LGSN: variants seen among roughly 807,000 people sequenced by gnomAD.
LGSN encodes the protein lengsin.
LGSN carries 21 observed loss-of-function variants against 19.5 expected under a neutral mutation model. That is an observed-to-expected ratio of 1.07 (90% CI 0.76 to 1.55). The LOEUF is 1.55. Ranked by LOEUF, LGSN falls within the 40% of genes most tolerant of loss-of-function variation. The pLI is 0.00. For synonymous variants in LGSN, 257 were observed against 215.6 expected, an observed-to-expected ratio of 1.19 and a Z score of -1.68; for missense variants, 673 against 608.5, an observed-to-expected ratio of 1.11 and a Z score of -1.12.
Position 63,301,284 on chromosome 6 carries a change from C to T in LGSN, c.31-6239G>A, listed in dbSNP as rs895840725. Among the ~76,000 whole-genome samples the T allele has an allele frequency of 2.0e-5, 3 of 151,868 alleles. No homozygotes were observed. In the East Asian group the frequency reaches 5.8e-4, roughly 29 times the overall value. On this transcript the variant is annotated intron_variant, in intron 1 of 3. Transcript: ENST00000370657. ...TCAGCCTGGGTGACAGAATGAGACT[C>T]TGTCTTAAAAAAAATAAATACAATA...
At chr6:63,485,545 T>C in the LGSN span, among the ~76,000 whole-genome samples, 2 of 152,208 alleles carry the variant, frequency 1.3e-5, no homozygotes, top group East Asian at 3.8e-4. Context: ...TTTGAGCATA[T>C]AGTCAGTAAT....
At chr6:63,296,333 A>G (rs990990200) in intron 1 of LGSN, among the ~76,000 whole-genome samples, 3 of 151,736 alleles carry the variant, frequency 2.0e-5, no homozygotes, top group African/African-American at 7.2e-5. Context: ...TTTAGGATTT[A>G]ATTTCAATAC....
intron 1 of LGSN, among the ~76,000 whole-genome samples, chr6:63,310,643 T>A (rs1021829028): frequency 4.6e-5 from 7 of 152,180 alleles, no homozygotes; most frequent in African/African-American, 1.7e-4. Flanking sequence ...ATTTAGTGCA[T>A]CCCTTTAAAA....
chr6:63,376,902 T>C, the LGSN span, among the ~76,000 whole-genome samples: 1 of 152,302 alleles, frequency 6.6e-6, no homozygotes, highest in South Asian at 2.1e-4. Flanking sequence ...CAGCTGAGTG[T>C]TCCTAGGCTT....
the LGSN span, among the ~76,000 whole-genome samples, chr6:63,531,589 A>G: frequency 7.0e-6 from 1 of 143,108 alleles, no homozygotes; most frequent in Non-Finnish European, 1.5e-5. Flanking sequence ...TCCTGGACTC[A>G]GGCAATCTTC....
At chr6:63,350,831 C>T in the LGSN span, among the ~76,000 whole-genome samples, 1 of 150,518 alleles carries the variant, frequency 6.6e-6, no homozygotes, top group African/African-American at 2.5e-5. Context: ...CAGCCTGGGC[C>T]ACAGAGCCAT....
chr6:63,358,820 T>G, the LGSN span, among the ~76,000 whole-genome samples: 1 of 152,284 alleles, frequency 6.6e-6, no homozygotes, highest in East Asian at 1.9e-4. Context: ...TGAATACCCT[T>G]TATTTTTTTC....
chr6:63,431,896 G>A, the LGSN span, among the ~76,000 whole-genome samples: 4 of 149,672 alleles, frequency 2.7e-5, no homozygotes, highest in African/African-American at 4.9e-5. Flanking sequence ...TTATAAACCC[G>A]ACTCTACTGA....
rs777035496 is a variant in LGSN, at chr6:63,280,370, T to C, written c.1181A>G (p.Asn394Ser). ...WGYNDNSCIF[N>S]IKCHGEKGTR... is the part of the protein sequence containing the mutation. ...GCCTTTCTCTCCATGACATTTGATATTAAATATACAGCTGTTGTCATTGTA... is the reference window on the plus strand; with the variant it reads ...GCCTTTCTCTCCATGACATTTGATACTAAATATACAGCTGTTGTCATTGTA... Residue 394 changes from asparagine to serine, a missense_variant, in exon 4 of 4, where the codon AAT becomes AGT. By Grantham distance (46) the Asn-to-Ser change is conservative. Transcript: ENST00000370657. The C allele has an allele frequency of 5.6e-6, 9 of 1,614,220 alleles. No individual in the cohort carries two copies. The South Asian group carries it at 9.9e-5, about 18-fold the overall frequency.
At chr6:63,333,131 G>T in the LGSN span, among the ~76,000 whole-genome samples, 2 of 151,888 alleles carry the variant, frequency 1.3e-5, no homozygotes, top group Non-Finnish European at 2.9e-5. Context: ...GACCCGAGCG[G>T]GTTCCCCCTG....
At chr6:63,560,480 G>A in the LGSN span, among the ~76,000 whole-genome samples, 1 of 148,706 alleles carries the variant, frequency 6.7e-6, no homozygotes, top group East Asian at 2.0e-4. Flanking sequence ...TAGACTCACT[G>A]CAACCTCTGC....
intron 1 of LGSN, among the ~76,000 whole-genome samples, chr6:63,318,174 C>A (rs1395179410): frequency 6.6e-6 from 1 of 152,116 alleles, no homozygotes; most frequent in African/African-American, 2.4e-5. Flanking sequence ...AGATTAATAA[C>A]TGTTCATTTT....
At chr6:63,452,853 T>A in the LGSN span, among the ~76,000 whole-genome samples, 4 of 152,116 alleles carry the variant, frequency 2.6e-5, no homozygotes, top group Non-Finnish European at 5.9e-5. Flanking sequence ...TTTGCCCCTT[T>A]TTTTCTAGTA....
At chr6:63,532,050 C>T in the LGSN span, among the ~76,000 whole-genome samples, 46 of 152,192 alleles carry the variant, frequency 3.0e-4, 1 homozygote, top group East Asian at 7.7e-3. Context: ...ACACCCACCT[C>T]GGCCTCCCAG....
the LGSN span, among the ~76,000 whole-genome samples, chr6:63,380,154 T>C: frequency 6.6e-6 from 1 of 152,242 alleles, no homozygotes; most frequent in African/African-American, 2.4e-5. Flanking sequence ...AATTATTTTC[T>C]AGCTAAAGAT....
At chr6:63,336,941 T>G in the LGSN span, among the ~76,000 whole-genome samples, 1 of 149,764 alleles carries the variant, frequency 6.7e-6, no homozygotes. Flanking sequence ...TCTTTTTTTT[T>G]GAGATGGAGT....
chr6:63,336,813 G>A, the LGSN span, among the ~76,000 whole-genome samples: 1 of 151,736 alleles, frequency 6.6e-6, no homozygotes, highest in Admixed American at 6.6e-5. Context: ...ATTTTTAGTA[G>A]GGACTCGAAT....
At chr6:63,390,118 CTTTTTTTTT>C in the LGSN span, among the ~76,000 whole-genome samples, 29 of 66,320 alleles carry the variant, frequency 4.4e-4, no homozygotes, top group East Asian at 8.0e-4. Context: ...TTCTTTCTTT[CTTTTTTTTT>C]TTTTTTTTTT....
At chr6:63,315,504 C>A (rs1271187067) in intron 1 of LGSN, among the ~76,000 whole-genome samples, 1 of 151,630 alleles carries the variant, frequency 6.6e-6, no homozygotes. Flanking sequence ...ACAGTAGTTA[C>A]CCTCAATATC....
Sources: allele counts gnomAD v4.1 joint callset (sites outside exome capture counted in the v4.1 genomes callset), GRCh38; gene constraint gnomAD v4.1.1; transcripts MANE v1.5; gene names NCBI Gene and HGNC (gene_info 2026-07-23, HGNC 2026-07-21).